SH3RF3: variants seen among roughly 807,000 people sequenced by gnomAD.
SH3RF3 encodes SH3 domain containing ring finger 3, also known as E3 ubiquitin-protein ligase SH3RF3.
Under a neutral mutation model 66.3 loss-of-function variants are expected in SH3RF3, and 29 were observed. The observed-to-expected ratio is 0.44, with a 90% CI of 0.33 to 0.60. The LOEUF is 0.60. SH3RF3 is among the 20% of genes least tolerant of loss of function. The probability of loss-of-function intolerance (pLI) is 0.04; values close to 1 mark genes in which losing one functional copy is unlikely to be tolerated. For synonymous variants in SH3RF3, 583 were observed against 532.0 expected (o/e 1.10, Z -1.32); for missense variants, 1,194 against 1,190.9 (o/e 1.00, Z -0.04).
chr2:109,165,219 T>C lies in SH3RF3; in HGVS notation c.573+35106T>C, dbSNP rs77551690. On this transcript the variant is annotated intron_variant, in intron 1 of 9. Transcript: ENST00000309415. Reference sequence around the variant, plus strand: ...AGCTGAGGGAAGACTGTGCTAATCCTGCAAAGAAGTCTTTACTAGGTGTAT... The same window carrying C: ...AGCTGAGGGAAGACTGTGCTAATCCCGCAAAGAAGTCTTTACTAGGTGTAT... 6.6e-3 allele frequency among the ~76,000 whole-genome samples: 1,011 copies of C among 152,232 alleles called. 11 individuals carry two copies. The highest frequency in any genetic ancestry group is 0.023 in the African/African-American group (947 of 41,522).
intron 9 of SH3RF3, among the ~76,000 whole-genome samples, chr2:109,500,530 G>GC (rs1159848662): frequency 3.9e-5 from 6 of 152,200 alleles, no homozygotes; most frequent in African/African-American, 1.4e-4. Context: ...GCTGCAGGGG[G>GC]CCCAAGTCTT....
At chr2:109,185,702 G>A (rs939253278) in intron 1 of SH3RF3, among the ~76,000 whole-genome samples, 1 of 152,194 alleles carries the variant, frequency 6.6e-6, no homozygotes, top group Non-Finnish European at 1.5e-5. Flanking sequence ...TGGAAAAGAC[G>A]ATTTCTGGAA....
At chr2:109,355,573 C>T (rs1482294436) in intron 2 of SH3RF3, among the ~76,000 whole-genome samples, 1 of 152,214 alleles carries the variant, frequency 6.6e-6, no homozygotes, top group Non-Finnish European at 1.5e-5. Context: ...TGACCTGTGA[C>T]ATAGAGCACA....
At chr2:109,335,937 G>A (rs1019448344) in intron 1 of SH3RF3, among the ~76,000 whole-genome samples, 2 of 152,196 alleles carry the variant, frequency 1.3e-5, no homozygotes, top group African/African-American at 4.8e-5. Context: ...AAAGACACTT[G>A]GGGGCTGGGA....
rs769582695 is a variant in SH3RF3 at position 109,347,964 on chromosome 2, G to A, written c.849+15G>A. 2.9e-5 allele frequency: 46 copies of A among 1,586,642 alleles called. No individual in the cohort carries two copies. Among genetic ancestry groups the A allele is most frequent in the Admixed American group, 3.6e-5 (2 of 56,190 alleles). On this transcript the variant is annotated intron_variant, in intron 2 of 9. Coordinates refer to ENST00000309415, the MANE Select transcript of SH3RF3 (RefSeq NM_001099289.3). ...CCTTCACCAAGGTAAGGTGAGCCCC[G>A]GGGTGGGCCCCGCCAGCCCATGCAG...
At chr2:109,151,888 A>C (rs933445178) in intron 1 of SH3RF3, among the ~76,000 whole-genome samples, 2 of 152,286 alleles carry the variant, frequency 1.3e-5, no homozygotes, top group Non-Finnish European at 2.9e-5. Context: ...TAGAATCTGC[A>C]GAGGACTGCA....
intron 3 of SH3RF3, among the ~76,000 whole-genome samples, chr2:109,381,246 G>T (rs114163099): frequency 0.01 from 1,569 of 152,344 alleles, 34 homozygotes; most frequent in African/African-American, 0.036. Context: ...CGTCTGGCCT[G>T]CAGCCGGTGG....
At position 109,371,533 on chromosome 2, in the gene SH3RF3, T is replaced by C. The variant is rs1654462271; in HGVS notation, c.850-53T>C. The C allele has an allele frequency of 1.4e-5, 21 of 1,520,756 alleles. 1 individual carries two copies. The South Asian group carries it at 2.2e-4, about 16-fold the overall frequency. The allele number at this position is 1,520,756 out of a possible 1,614,324, so 94.2% of individuals were successfully genotyped here. Reference sequence around the variant, plus strand: ...TACTAACCAGTGTCTTGCTTCCTTTTTCATTGTGTGTGTGTCCGTATGCTT... The same window carrying C: ...TACTAACCAGTGTCTTGCTTCCTTTCTCATTGTGTGTGTGTCCGTATGCTT... On this transcript the variant is annotated intron_variant, in intron 2 of 9. Transcript: ENST00000309415.
intron 3 of SH3RF3, among the ~76,000 whole-genome samples, chr2:109,377,404 GCGT>G (rs1322710842): frequency 6.6e-6 from 1 of 152,126 alleles, no homozygotes; most frequent in Non-Finnish European, 1.5e-5. Flanking sequence ...AAAGGCCATA[GCGT>G]CAGTGGCTGT....
intron 1 of SH3RF3, among the ~76,000 whole-genome samples, chr2:109,316,176 CTT>C (rs1681875752): frequency 2.0e-5 from 3 of 152,154 alleles, no homozygotes; most frequent in African/African-American, 7.2e-5. Flanking sequence ...TTTTGCTGAA[CTT>C]TTGGGCCTGG....
At chr2:109,306,353 G>A (rs756107430) in intron 1 of SH3RF3, among the ~76,000 whole-genome samples, 2 of 152,184 alleles carry the variant, frequency 1.3e-5, no homozygotes, top group African/African-American at 4.8e-5. Flanking sequence ...CAACCCCTGC[G>A]CATACTCCAG....
chr2:109,423,165 C>A (rs767553510), intron 5 of SH3RF3, among the ~76,000 whole-genome samples: 1 of 152,008 alleles, frequency 6.6e-6, no homozygotes, highest in Non-Finnish European at 1.5e-5. Flanking sequence ...GGAGTCCTAT[C>A]CAGGAGCCCA....
intron 1 of SH3RF3, among the ~76,000 whole-genome samples, chr2:109,293,545 C>T (rs1188022988): frequency 1.3e-5 from 2 of 152,254 alleles, no homozygotes; most frequent in Non-Finnish European, 2.9e-5. Flanking sequence ...CCCCTGCATG[C>T]ACTGACCACT....
At position 109,269,734 on chromosome 2, in the gene SH3RF3, G is replaced by A. The variant is rs542199272; in HGVS notation, c.574-77940G>A. On this transcript the variant is annotated intron_variant, in intron 1 of 9. Transcript: ENST00000309415. ...GTGGAGGTTGCAGTGAGGTGAGATC[G>A]TGCCACTGCACTCCAGCCTGGGTGA... Among the ~76,000 whole-genome samples, 4 of 152,336 alleles carry A rather than the reference G, an allele frequency of 2.6e-5. No homozygotes were observed. The East Asian group carries it at 5.8e-4, about 22-fold the overall frequency.
At chr2:109,225,178 T>C (rs1435821444) in intron 1 of SH3RF3, among the ~76,000 whole-genome samples, 1 of 152,204 alleles carries the variant, frequency 6.6e-6, no homozygotes, top group Non-Finnish European at 1.5e-5. Flanking sequence ...TGGCTTCTGC[T>C]AGTTCTGAGA....
At chr2:109,363,753 T>C (rs2105641232) in intron 2 of SH3RF3, among the ~76,000 whole-genome samples, 1 of 149,804 alleles carries the variant, frequency 6.7e-6, no homozygotes, top group African/African-American at 2.4e-5. Context: ...GGTTGGTAGG[T>C]TTTTTCTGTC....
chr2:109,486,878 G>T (rs1290954881), intron 8 of SH3RF3, among the ~76,000 whole-genome samples: 1 of 152,192 alleles, frequency 6.6e-6, no homozygotes, highest in Non-Finnish European at 1.5e-5. Flanking sequence ...TCCCGCCCAG[G>T]CCAGGATGTT....
intron 1 of SH3RF3, chr2:109,313,531 T>C (rs150941064): frequency 3.2e-5 from 5 of 154,986 alleles, no homozygotes; most frequent in African/African-American, 1.2e-4. Context: ...ATCGCAATGG[T>C]CTTAAGCATC....
At chr2:109,140,062 A>G (rs944803930) in intron 1 of SH3RF3, among the ~76,000 whole-genome samples, 2 of 152,202 alleles carry the variant, frequency 1.3e-5, no homozygotes, top group Non-Finnish European at 2.9e-5. Flanking sequence ...GGCTGGGGTG[A>G]AGAGGACAGG....
Sources: gnomAD v4.1 joint callset for allele counts (sites outside exome capture counted in the v4.1 genomes callset) on GRCh38, gnomAD v4.1.1 for gene constraint, MANE v1.5 for transcripts, NCBI Gene and HGNC (gene_info 2026-07-23, HGNC 2026-07-21) for gene names.